The following FRMPD1 variants were observed in gnomAD, a reference collection of about 807,000 sequenced individuals.
FRMPD1 encodes FERM and PDZ domain containing 1, also known as FERM and PDZ domain-containing protein 1.
Under a neutral mutation model 117.8 loss-of-function variants are expected in FRMPD1, and 76 were observed. The ratio of observed to expected loss-of-function variants is 0.65; its 90% CI spans 0.54 to 0.78. The LOEUF is 0.78. Among genes scored for constraint, FRMPD1 ranks in the 30% least tolerant of loss-of-function variants. The pLI, the probability that FRMPD1 is intolerant of heterozygous loss-of-function variation, is 0.00. For missense variants in FRMPD1, 1,786 were observed against 1,964.5 expected, an observed-to-expected ratio of 0.91 and a Z score of 1.72; for synonymous variants, 783 against 770.4, an observed-to-expected ratio of 1.02 and a Z score of -0.27.
chr9:37,678,601 C>T (rs114075999), intron 1 of FRMPD1, among the ~76,000 whole-genome samples: 317 of 152,146 alleles, frequency 2.1e-3, no homozygotes, highest in African/African-American at 7.2e-3. Flanking sequence ...CTTTTTTGTT[C>T]ATTGTTTCTT....
the FRMPD1 span, chr9:37,637,288 G>C: frequency 6.6e-7 from 1 of 1,520,490 alleles, no homozygotes; most frequent in Non-Finnish European, 9.1e-7. Context: ...CATATCCGGG[G>C]TTCATGGCGG....
chr9:37,686,747 C>T (rs1360942724), intron 1 of FRMPD1, among the ~76,000 whole-genome samples: 1 of 152,248 alleles, frequency 6.6e-6, no homozygotes, highest in African/African-American at 2.4e-5. Flanking sequence ...AAAGTAACCA[C>T]TGTAGTTTGA....
intron 1 of FRMPD1, among the ~76,000 whole-genome samples, chr9:37,684,608 A>G (rs1821855323): frequency 6.6e-6 from 1 of 152,200 alleles, no homozygotes; most frequent in Non-Finnish European, 1.5e-5. Flanking sequence ...GTAGCACGTC[A>G]GATAGAATGA....
chr9:37,610,711 C>CA, the FRMPD1 span, among the ~76,000 whole-genome samples: 1 of 152,122 alleles, frequency 6.6e-6, no homozygotes, highest in East Asian at 1.9e-4. Flanking sequence ...TCTCCTGCCA[C>CA]AGCCTCCTGA....
intron 5 of FRMPD1, among the ~76,000 whole-genome samples, chr9:37,714,630 G>C (rs13299427): frequency 4.0e-5 from 2 of 50,044 alleles, no homozygotes; most frequent in African/African-American, 1.4e-4. Flanking sequence ...ATTTTGTTTT[G>C]TTTTATTTTA....
intron 5 of FRMPD1, among the ~76,000 whole-genome samples, chr9:37,712,353 T>C (rs1333182204): frequency 6.6e-6 from 1 of 152,188 alleles, no homozygotes; most frequent in African/African-American, 2.4e-5. Flanking sequence ...ATTAAAACTG[T>C]ACTTCTTTTA....
chr9:37,707,464 C>A lies in FRMPD1; in HGVS notation c.150C>A (p.Thr50=). 1 of 1,613,992 alleles carries A rather than the reference C, an allele frequency of 6.2e-7. No homozygotes were observed. Among genetic ancestry groups the A allele is most frequent in the Non-Finnish European group, 8.5e-7 (1 of 1,179,902 alleles). Residue 50 remains threonine (T), a synonymous_variant, in exon 3 of 16, where the codon ACC becomes ACA. Transcript: ENST00000377765. The stretch of plus-strand genomic sequence containing the variant: ...GGCCCGCCAGGAACCCAACTCAGAC[C>A]CTCATCCCTGTGCGACACACAGTAA... ...ADGPARNPTQ[T]LIPVRHTVKI...
chr9:37,684,795 C>A (rs1821862457), intron 1 of FRMPD1, among the ~76,000 whole-genome samples: 2 of 152,096 alleles, frequency 1.3e-5, no homozygotes, highest in South Asian at 4.1e-4. Flanking sequence ...ACTCTGTCAC[C>A]CAGGCTACAG....
chr9:37,637,311 G>T, the FRMPD1 span: 2 of 1,212,276 alleles, frequency 1.6e-6, no homozygotes, highest in East Asian at 2.3e-5. Flanking sequence ...GCGGAAGCCC[G>T]CTCAGTCGCT....
the FRMPD1 span, among the ~76,000 whole-genome samples, chr9:37,615,588 C>A: frequency 3.9e-5 from 6 of 152,168 alleles, no homozygotes; most frequent in Admixed American, 6.5e-5. Context: ...TATTTTAACT[C>A]TCAAGGACAA....
chr9:37,707,353 C>T (rs1822745201), intron 2 of FRMPD1, 63 bp from the exon 3 acceptor site: 3 of 1,418,810 alleles, frequency 2.1e-6, no homozygotes, highest in African/African-American at 1.4e-5. Flanking sequence ...TAGGGCTGAC[C>T]CAGTTCGTGA....
At chr9:37,696,599 C>T (rs7038012) in intron 2 of FRMPD1, among the ~76,000 whole-genome samples, 104,194 of 152,098 alleles carry the variant, frequency 0.69, 36,056 homozygotes, top group East Asian at 0.94. Flanking sequence ...GAAAATTAAA[C>T]AAGAAGTGTT....
chr9:37,611,285 C>CTAGG, the FRMPD1 span, among the ~76,000 whole-genome samples: 2 of 152,144 alleles, frequency 1.3e-5, no homozygotes, highest in Non-Finnish European at 2.9e-5. Flanking sequence ...TTCACAGACC[C>CTAGG]TGAAATTGTA....
intron 1 of FRMPD1, among the ~76,000 whole-genome samples, chr9:37,662,576 TG>T (rs1821033520): frequency 6.6e-6 from 1 of 152,152 alleles, no homozygotes; most frequent in South Asian, 2.1e-4. Context: ...ACTTGATCAA[TG>T]TATGGGCCCA....
chr9:37,715,772 T>C, intron 5 of FRMPD1: 1 of 452,032 alleles, frequency 2.2e-6, no homozygotes, highest in Admixed American at 2.4e-5. Flanking sequence ...GGAGCCACAG[T>C]GGGGCCTGTG....
rs748342041 is a variant in FRMPD1 at position 37,746,097 on chromosome 9, C to T, written c.4065C>T (p.Asp1355=). Residue 1355 remains aspartate (D), a synonymous_variant, in exon 16 of 16, where the codon GAC becomes GAT. Transcript: ENST00000377765. ...RGPQPETEEE[D]RDLEAHPMAP... Reference sequence around the variant, plus strand: ...CGCAGCCTGAGACAGAGGAAGAAGACAGGGACTTGGAAGCACACCCCATGG... The same window carrying T: ...CGCAGCCTGAGACAGAGGAAGAAGATAGGGACTTGGAAGCACACCCCATGG... The T allele has an allele frequency of 1.3e-5, 21 of 1,614,210 alleles. No individual in the cohort carries two copies. The South Asian group carries it at 2.2e-4, about 17-fold the overall frequency.
chr9:37,686,398 A>T (rs960627675), intron 1 of FRMPD1, among the ~76,000 whole-genome samples: 14 of 152,356 alleles, frequency 9.2e-5, no homozygotes, highest in Non-Finnish European at 4.4e-5. Context: ...AAGAGGCCAG[A>T]TGACTTCTTG....
chr9:37,746,450 G>A lies in FRMPD1; in HGVS notation c.4418G>A (p.Cys1473Tyr). ...GGCTCCCAGAAGCTCCTGTCGAGCT[G>A]TCGGCATGTGATCAGAATGGACCAG... Reference protein sequence around the residue: ...CMGSQKLLSSCRHVIRMDQSP... With the variant: ...CMGSQKLLSSYRHVIRMDQSP... The change falls in exon 16 of 16, where the codon TGT becomes TAT. Residue 1473 changes from cysteine to tyrosine, a missense_variant. Cys to Tyr is a radical substitution (Grantham distance 194). Coordinates refer to ENST00000377765, the MANE Select transcript of FRMPD1 (RefSeq NM_014907.3). 1 of 1,613,686 alleles carries A rather than the reference G, an allele frequency of 6.2e-7. No homozygotes were observed.
Position 37,745,038 on chromosome 9 carries a change from A to C in FRMPD1, c.3006A>C (p.Lys1002Asn), listed in dbSNP as rs113833141. Residue 1002 changes from lysine to asparagine, a missense_variant, in exon 16 of 16, where the codon AAA becomes AAC. Transcript: ENST00000377765. The part of the protein sequence containing the change: ...LSQDLDGIAP[K>N]EPTIEHGDSS... ...AAGACCTGGATGGGATTGCCCCCAA[A>C]GAACCAACCATAGAGCATGGAGACA... 14 of 1,614,140 alleles carry C rather than the reference A, an allele frequency of 8.7e-6. No homozygotes were observed. Among genetic ancestry groups the C allele is most frequent in the African/African-American group, 6.7e-5 (5 of 75,024 alleles).
Sources: allele counts gnomAD v4.1 joint callset (sites outside exome capture counted in the v4.1 genomes callset), GRCh38; gene constraint gnomAD v4.1.1; transcripts MANE v1.5; gene names NCBI Gene and HGNC (gene_info 2026-07-23, HGNC 2026-07-21).